Variants in ZNRF3 observed in about 807,000 individuals in gnomAD.
The protein encoded by ZNRF3 is zinc and ring finger 3.
A neutral mutation model predicts 72.5 loss-of-function variants in ZNRF3; 23 were observed. That is an observed-to-expected ratio of 0.32 (90% CI 0.23 to 0.45). The LOEUF is 0.45. Ranked by LOEUF, ZNRF3 falls within the 20% of genes least tolerant of loss-of-function variation. The probability of loss-of-function intolerance (pLI) is 1.00; values close to 1 mark genes in which losing one functional copy is unlikely to be tolerated. For synonymous variants in ZNRF3, 610 were observed against 545.3 expected (o/e 1.12, Z -1.65); for missense variants, 1,169 against 1,272.1 (o/e 0.92, Z 1.23).
At chr22:28,954,312 G>C (rs1250253910) in intron 1 of ZNRF3, among the ~76,000 whole-genome samples, 1 of 152,188 alleles carries the variant, frequency 6.6e-6, no homozygotes, top group Non-Finnish European at 1.5e-5. Flanking sequence ...CTGTCTTCTT[G>C]CTGTATCCTC....
At chr22:28,885,518 G>A (rs2033765562) in intron 1 of ZNRF3, among the ~76,000 whole-genome samples, 1 of 150,104 alleles carries the variant, frequency 6.7e-6, no homozygotes, top group Non-Finnish European at 1.5e-5. Context: ...TTGCTCCTTG[G>A]CAACTTCTTG....
chr22:28,896,919 CTCTT>C (rs894698118), intron 1 of ZNRF3, among the ~76,000 whole-genome samples: 1 of 152,198 alleles, frequency 6.6e-6, no homozygotes, highest in African/African-American at 2.4e-5. Context: ...CTCATTCTCT[CTCTT>C]TTGGTTTTTC....
At chr22:29,042,439 C>T in intron 2 of ZNRF3, 56 bp from the exon 3 acceptor site, 1 of 1,548,476 alleles carries the variant, frequency 6.5e-7, no homozygotes, top group Non-Finnish European at 8.9e-7. Flanking sequence ...CCAAGGCCAA[C>T]TTTGAAAAGG....
chr22:28,900,563 A>G (rs1327555492), intron 1 of ZNRF3, among the ~76,000 whole-genome samples: 1 of 152,152 alleles, frequency 6.6e-6, no homozygotes, highest in Non-Finnish European at 1.5e-5. Context: ...GTGCCTCTTT[A>G]CAGAAGATGA....
intron 1 of ZNRF3, among the ~76,000 whole-genome samples, chr22:28,952,741 C>T (rs988127870): frequency 5.9e-5 from 9 of 151,884 alleles, no homozygotes; most frequent in African/African-American, 1.7e-4. Context: ...AATGTGTTTG[C>T]GAATGTATTT....
chr22:29,016,019 A>G (rs1162422021), intron 2 of ZNRF3, among the ~76,000 whole-genome samples: 1 of 151,264 alleles, frequency 6.6e-6, no homozygotes, highest in Non-Finnish European at 1.5e-5. Context: ...TGTCTCAAAA[A>G]AAAAAAAAAA....
intron 8 of ZNRF3, among the ~76,000 whole-genome samples, chr22:29,051,880 CAAA>C (rs758308347): frequency 0.013 from 1,112 of 83,606 alleles, 22 homozygotes; most frequent in African/African-American, 0.047. Flanking sequence ...GACTCCATCT[CAAA>C]AAAAAAAAAA....
At chr22:29,008,841 G>A (rs2036302324) in intron 2 of ZNRF3, among the ~76,000 whole-genome samples, 1 of 152,190 alleles carries the variant, frequency 6.6e-6, no homozygotes, top group African/African-American at 2.4e-5. Flanking sequence ...TTTAAATTCT[G>A]TGGCTGTGAT....
intron 1 of ZNRF3, among the ~76,000 whole-genome samples, chr22:28,937,928 A>G (rs931882142): frequency 6.6e-6 from 1 of 152,240 alleles, no homozygotes; most frequent in African/African-American, 2.4e-5. Flanking sequence ...GATAGAACAG[A>G]GGGCTCCTGT....
intron 3 of ZNRF3, 36 bp from the exon 4 acceptor site, chr22:29,043,263 C>T (rs781449460): frequency 2.4e-5 from 38 of 1,604,748 alleles, no homozygotes; most frequent in East Asian, 6.7e-5. Flanking sequence ...TTAAAGTAAG[C>T]GCACCTTTTA....
chr22:28,987,249 C>T (rs562519378), intron 2 of ZNRF3, 48 bp downstream of exon 2: 59 of 1,579,870 alleles, frequency 3.7e-5, no homozygotes, highest in Non-Finnish European at 5.1e-5. Context: ...TGGTGTTTTC[C>T]ACTCTTCCAT....
chr22:28,957,686 G>A (rs998211096), intron 1 of ZNRF3, among the ~76,000 whole-genome samples: 15 of 151,854 alleles, frequency 9.9e-5, no homozygotes, highest in Non-Finnish European at 1.3e-4. Flanking sequence ...TGATCCGCTC[G>A]CCTCGGCCTC....
chr22:29,032,677 A>G (rs148697892), intron 2 of ZNRF3, among the ~76,000 whole-genome samples: 1 of 152,232 alleles, frequency 6.6e-6, no homozygotes, highest in Non-Finnish European at 1.5e-5. Flanking sequence ...AGCAGGGCCC[A>G]TGGTGTTTGA....
At chr22:29,031,218 T>G (rs1040869637) in intron 2 of ZNRF3, 3 of 152,236 alleles carry the variant, frequency 2.0e-5, no homozygotes, top group Non-Finnish European at 2.9e-5. Flanking sequence ...ACCAGATATT[T>G]TTTTAAAGCT....
intron 1 of ZNRF3, among the ~76,000 whole-genome samples, chr22:28,939,710 T>C (rs991760712): frequency 3.3e-5 from 5 of 152,170 alleles, no homozygotes; most frequent in Admixed American, 6.5e-5. Context: ...TTGTGTCCCC[T>C]GCAATTTAAT....
chr22:29,009,788 G>T (rs1408375468), intron 2 of ZNRF3, among the ~76,000 whole-genome samples: 1 of 151,892 alleles, frequency 6.6e-6, no homozygotes, highest in Non-Finnish European at 1.5e-5. Context: ...TAAAATGGTG[G>T]TAACTATATA....
intron 1 of ZNRF3, among the ~76,000 whole-genome samples, chr22:28,929,440 A>G (rs1231790576): frequency 1.3e-5 from 2 of 152,134 alleles, no homozygotes; most frequent in Admixed American, 1.3e-4. Flanking sequence ...CCTCCTTCCC[A>G]GTTATGACAA....
At chr22:28,893,765 T>C (rs2033938264) in intron 1 of ZNRF3, among the ~76,000 whole-genome samples, 1 of 152,244 alleles carries the variant, frequency 6.6e-6, no homozygotes, top group Non-Finnish European at 1.5e-5. Context: ...CCCAAAGTGC[T>C]GGGATTATAG....
chr22:28,923,272 G>A (rs1261104402), intron 1 of ZNRF3, among the ~76,000 whole-genome samples: 10 of 152,110 alleles, frequency 6.6e-5, no homozygotes, highest in Non-Finnish European at 1.5e-4. Context: ...CCCAAAACTG[G>A]TGAAGATCCC....
Sources: allele counts gnomAD v4.1 joint callset (sites outside exome capture counted in the v4.1 genomes callset), GRCh38; gene constraint gnomAD v4.1.1; transcripts MANE v1.5; gene names NCBI Gene and HGNC (gene_info 2026-07-23, HGNC 2026-07-21).